The following ZC3H12B variants were observed in gnomAD, a reference collection of about 807,000 sequenced individuals.
ZC3H12B encodes zinc finger CCCH-type containing 12B, also known as probable ribonuclease ZC3H12B.
ZC3H12B carries 7 observed loss-of-function variants against 43.9 expected under a neutral mutation model. The ratio of observed to expected loss-of-function variants is 0.16; its 90% CI spans 0.09 to 0.30. The LOEUF is 0.30. ZC3H12B is among the 10% of genes least tolerant of loss of function. The pLI is 1.00. For missense variants in ZC3H12B, 475 were observed against 670.2 expected, an observed-to-expected ratio of 0.71 and a Z score of 3.22; for synonymous variants, 222 against 241.7, an observed-to-expected ratio of 0.92 and a Z score of 0.76.
the ZC3H12B span, among the ~76,000 whole-genome samples, chrX:65,068,105 C>CTTT: frequency 0.013 from 783 of 60,759 alleles, 25 homozygotes; most frequent in African/African-American, 0.053. Flanking sequence ...CTTGATGTTA[C>CTTT]TTTTTTTTTT....
chrX:65,161,938 A>G, the ZC3H12B span, among the ~76,000 whole-genome samples: 3 of 111,656 alleles, frequency 2.7e-5, no homozygotes, highest in African/African-American at 9.8e-5. Flanking sequence ...TGCTTCCTTC[A>G]GGAGTTCTTT....
At chrX:65,082,130 A>G in the ZC3H12B span, among the ~76,000 whole-genome samples, 2 of 111,720 alleles carry the variant, frequency 1.8e-5, no homozygotes, top group African/African-American at 6.5e-5. Flanking sequence ...AGCAGTCCTA[A>G]TGGGGAGTAT....
At chrX:65,268,946 G>A in the ZC3H12B span, among the ~76,000 whole-genome samples, 11 of 112,268 alleles carry the variant, frequency 9.8e-5, no homozygotes, top group South Asian at 3.3e-3. Flanking sequence ...ATATCTGTTT[G>A]CAGATTACAT....
the ZC3H12B span, among the ~76,000 whole-genome samples, chrX:65,304,547 C>A: frequency 1.7e-4 from 18 of 107,366 alleles, no homozygotes; most frequent in African/African-American, 6.1e-4. Context: ...ACCCGGGAGG[C>A]GGAGCTTGCA....
At chrX:65,053,042 T>A in the ZC3H12B span, among the ~76,000 whole-genome samples, 1 of 111,592 alleles carries the variant, frequency 9.0e-6, no homozygotes, top group African/African-American at 3.3e-5. Context: ...GACATTGAGA[T>A]CCTTTTCACC....
the ZC3H12B span, among the ~76,000 whole-genome samples, chrX:65,215,301 C>A: frequency 9.0e-6 from 1 of 111,610 alleles, no homozygotes; most frequent in African/African-American, 3.2e-5. Context: ...TGAAAGTCGT[C>A]GATGGCAGCT....
At chrX:65,331,907 G>C in the ZC3H12B span, among the ~76,000 whole-genome samples, 1 of 111,452 alleles carries the variant, frequency 9.0e-6, no homozygotes, top group Non-Finnish European at 1.9e-5. Flanking sequence ...ATAATGAGCA[G>C]TAAGGATGAC....
At chrX:65,406,612 C>A (rs1364012815) in intron 3 of ZC3H12B, among the ~76,000 whole-genome samples, 550 of 16,139 alleles carry the variant, frequency 0.034, 13 homozygotes, top group African/African-American at 0.085. Flanking sequence ...CTGGGCGGGG[C>A]TGGGCGGGAC....
the ZC3H12B span, among the ~76,000 whole-genome samples, chrX:65,072,634 C>T: frequency 9.0e-6 from 1 of 111,532 alleles, no homozygotes; most frequent in African/African-American, 3.3e-5. Flanking sequence ...TGCTTTGTTT[C>T]TGAAGATATT....
At chrX:65,178,933 A>T in the ZC3H12B span, among the ~76,000 whole-genome samples, 11 of 112,516 alleles carry the variant, frequency 9.8e-5, no homozygotes, top group Non-Finnish European at 2.1e-4. Flanking sequence ...ATTGTAACTT[A>T]TTCTGCCATA....
chrX:65,201,736 C>G, the ZC3H12B span, among the ~76,000 whole-genome samples: 1 of 106,103 alleles, frequency 9.4e-6, no homozygotes, highest in Non-Finnish European at 1.9e-5. Context: ...TATGGTTTAG[C>G]TCTGTCCCCG....
the ZC3H12B span, among the ~76,000 whole-genome samples, chrX:65,310,806 C>T: frequency 6.3e-5 from 7 of 111,412 alleles, no homozygotes; most frequent in Admixed American, 6.6e-4. Flanking sequence ...AATATATAGA[C>T]CAATGGAACA....
intron 1 of ZC3H12B, among the ~76,000 whole-genome samples, chrX:65,494,501 G>T (rs2068249494): frequency 1.8e-5 from 2 of 111,179 alleles, no homozygotes; most frequent in Non-Finnish European, 3.8e-5. Context: ...ATATAAAGTT[G>T]GCTGGGCCTG....
the ZC3H12B span, among the ~76,000 whole-genome samples, chrX:65,230,062 G>A: frequency 9.0e-6 from 1 of 111,047 alleles, no homozygotes; most frequent in Non-Finnish European, 1.9e-5. Flanking sequence ...TATAAATCTT[G>A]CTGCTATAAA....
the ZC3H12B span, among the ~76,000 whole-genome samples, chrX:65,260,978 GTTATATA>G: frequency 8.9e-6 from 1 of 111,772 alleles, no homozygotes; most frequent in African/African-American, 3.2e-5. Context: ...CACAGTGCCT[GTTATATA>G]TTATAAGCAT....
At chrX:65,036,539 A>C in the ZC3H12B span, among the ~76,000 whole-genome samples, 1 of 111,349 alleles carries the variant, frequency 9.0e-6, no homozygotes, top group Non-Finnish European at 1.9e-5. Flanking sequence ...GTTTGGGGTA[A>C]AATGCTTTGC....
the ZC3H12B span, among the ~76,000 whole-genome samples, chrX:65,225,330 G>A: frequency 1.8e-5 from 2 of 112,350 alleles, no homozygotes; most frequent in Admixed American, 1.9e-4. Flanking sequence ...CTGTTAAAAG[G>A]AAAACTAACA....
the ZC3H12B span, among the ~76,000 whole-genome samples, chrX:65,150,441 C>T: frequency 9.1e-6 from 1 of 109,943 alleles, no homozygotes; most frequent in Non-Finnish European, 1.9e-5. Context: ...ATTCGTGTGC[C>T]ATGGTGATTT....
At chrX:65,349,518 G>A in the ZC3H12B span, among the ~76,000 whole-genome samples, 1 of 111,466 alleles carries the variant, frequency 9.0e-6, no homozygotes, top group African/African-American at 3.3e-5. Flanking sequence ...TAAGACCAGA[G>A]CAGAACTGAA....
Sources: allele counts gnomAD v4.1 joint callset (sites outside exome capture counted in the v4.1 genomes callset), GRCh38; gene constraint gnomAD v4.1.1; transcripts MANE v1.5; gene names NCBI Gene and HGNC (gene_info 2026-07-23, HGNC 2026-07-21).